PIAS1: variants seen among roughly 807,000 people sequenced by gnomAD.
PIAS1 encodes E3 SUMO-protein ligase PIAS1.
In PIAS1, 6 loss-of-function variants were observed where a neutral mutation model predicts 71.3. That is an observed-to-expected ratio of 0.08 (90% CI 0.05 to 0.17). The LOEUF (loss-of-function observed/expected upper bound fraction) is 0.17. PIAS1 is among the 10% of genes least tolerant of loss of function. The probability of loss-of-function intolerance (pLI) is 1.00; values close to 1 mark genes in which losing one functional copy is unlikely to be tolerated. For synonymous variants in PIAS1, 303 were observed against 292.9 expected (o/e 1.03, Z -0.35); for missense variants, 555 against 793.6 (o/e 0.70, Z 3.61).
At position 68,134,494 on chromosome 15, in the gene PIAS1, A is replaced by AC. The variant is rs1157391041; in HGVS notation, c.470-7444dup. ...GGGCGGCTGGCCGGGCGGGGGGCTG[A>AC]CCCCCCCCACTGCCCTCCCGGACGG... On this transcript the variant is annotated intron_variant, in intron 2 of 13. Coordinates refer to ENST00000249636, the MANE Select transcript of PIAS1 (RefSeq NM_016166.3). Among the ~76,000 whole-genome samples the AC allele has an allele frequency of 9.4e-3, 338 of 36,050 alleles. 39 individuals are homozygous for AC. The highest frequency in any genetic ancestry group is 0.013 in the Non-Finnish European group (127 of 9,714). The allele number at this position is 36,050 out of a possible 152,430, so 23.7% of individuals were successfully genotyped here. A position where few individuals can be genotyped will look rare whatever the true frequency, so the allele number is the denominator to read the frequency against.
At chr15:68,165,773 A>C (rs2090984547) in intron 8 of PIAS1, among the ~76,000 whole-genome samples, 1 of 152,140 alleles carries the variant, frequency 6.6e-6, no homozygotes, top group Admixed American at 6.5e-5. Context: ...AATATGTGAA[A>C]AATTTAATAA....
At chr15:68,177,599 T>C (rs976222852) in intron 11 of PIAS1, among the ~76,000 whole-genome samples, 1 of 152,224 alleles carries the variant, frequency 6.6e-6, no homozygotes, top group African/African-American at 2.4e-5. Context: ...TCATGAAACA[T>C]TGTTATCTAC....
intron 6 of PIAS1, among the ~76,000 whole-genome samples, chr15:68,150,954 G>GC (rs1472609122): frequency 6.6e-6 from 1 of 152,022 alleles, no homozygotes; most frequent in Non-Finnish European, 1.5e-5. Flanking sequence ...AGTGTAAGGG[G>GC]CACATAATGA....
intron 5 of PIAS1, 113 bp from the exon 6 acceptor site, chr15:68,146,453 T>C (rs2092808797): frequency 1.4e-6 from 1 of 730,534 alleles, no homozygotes; most frequent in African/African-American, 1.8e-5. Flanking sequence ...TACTTTTTAA[T>C]GAAAACATTC....
rs577838146 is a variant in PIAS1 at position 68,126,593 on chromosome 15, C to T, written c.470-15353C>T. On this transcript the variant is annotated intron_variant, in intron 2 of 13. Transcript: ENST00000249636. ...CAGGAGCTGGGATTGCAGGCGTGTCCCACCACGCCCAGCCAATTTTTGTAT... is the reference window on the plus strand; with the variant it reads ...CAGGAGCTGGGATTGCAGGCGTGTCTCACCACGCCCAGCCAATTTTTGTAT... 1.1e-4 allele frequency among the ~76,000 whole-genome samples: 16 copies of T among 152,222 alleles called. No individual in the cohort carries two copies. The South Asian group carries it at 2.9e-3, about 28-fold the overall frequency.
intron 2 of PIAS1, among the ~76,000 whole-genome samples, chr15:68,115,676 T>G (rs1388318573): frequency 6.6e-6 from 1 of 152,146 alleles, no homozygotes; most frequent in African/African-American, 2.4e-5. Flanking sequence ...CTGTAAATTT[T>G]CATAGCTGTC....
chr15:68,097,980 A>T (rs1327388951), intron 2 of PIAS1, among the ~76,000 whole-genome samples: 1 of 152,116 alleles, frequency 6.6e-6, no homozygotes, highest in African/African-American at 2.4e-5. Context: ...ACATGAGTAT[A>T]GGGCTCTAAT....
At chr15:68,055,142 C>G in intron 1 of PIAS1, 1 of 953,010 alleles carries the variant, frequency 1.0e-6, no homozygotes, top group Non-Finnish European at 1.2e-6. Flanking sequence ...CTACCTCTCT[C>G]CCTTCTTTTG....
chr15:68,126,071 G>T (rs2092648605), intron 2 of PIAS1, among the ~76,000 whole-genome samples: 1 of 151,948 alleles, frequency 6.6e-6, no homozygotes, highest in South Asian at 2.1e-4. Context: ...CTTTTTATGT[G>T]CAGTGTTCTG....
chr15:68,164,891 G>A (rs774970714), intron 8 of PIAS1, 87 bp downstream of exon 8: 6 of 723,104 alleles, frequency 8.3e-6, no homozygotes, highest in African/African-American at 5.4e-5. Context: ...GAGAAATTCT[G>A]TTTGCTTCTA....
At chr15:68,128,451 C>T (rs1241856467) in intron 2 of PIAS1, among the ~76,000 whole-genome samples, 3 of 152,146 alleles carry the variant, frequency 2.0e-5, no homozygotes, top group African/African-American at 7.2e-5. Context: ...CCTGGCCAAC[C>T]TGGAAAACCT....
chr15:68,085,952 T>C (rs1294756387), intron 1 of PIAS1, among the ~76,000 whole-genome samples: 3 of 152,176 alleles, frequency 2.0e-5, no homozygotes, highest in Non-Finnish European at 4.4e-5. Context: ...CGTTTTGCCA[T>C]CTACATAGCA....
chr15:68,080,532 TCTAA>T (rs2092219882), intron 1 of PIAS1, among the ~76,000 whole-genome samples: 1 of 152,226 alleles, frequency 6.6e-6, no homozygotes, highest in South Asian at 2.1e-4. Context: ...ATAGAAACTG[TCTAA>T]CTAGGTTTTC....
chr15:68,135,229 G>T (rs2092720238), intron 2 of PIAS1, among the ~76,000 whole-genome samples: 1 of 40,114 alleles, frequency 2.5e-5, no homozygotes. Context: ...GGGGTGGCTG[G>T]CCGGGCGGGG....
rs1240360111 is a variant in PIAS1, at chr15:68,097,067, G to A, written c.469+10317G>A. 3.3e-5 allele frequency among the ~76,000 whole-genome samples: 5 copies of A among 152,114 alleles called. No individual in the cohort carries two copies. The East Asian group carries it at 9.6e-4, about 29-fold the overall frequency. ...TTTCATATATGGTCTTCATTATGTTGAGATAGTTTCCTTCCATTCCTAGTT... is the reference window on the plus strand; with the variant it reads ...TTTCATATATGGTCTTCATTATGTTAAGATAGTTTCCTTCCATTCCTAGTT... On this transcript the variant is annotated intron_variant, in intron 2 of 13. Coordinates refer to ENST00000249636, the MANE Select transcript of PIAS1 (RefSeq NM_016166.3).
intron 1 of PIAS1, among the ~76,000 whole-genome samples, chr15:68,083,410 T>C (rs2092247704): frequency 6.6e-6 from 1 of 152,156 alleles, no homozygotes; most frequent in South Asian, 2.1e-4. Flanking sequence ...ATAATAGCAA[T>C]AGATAGCACC....
intron 2 of PIAS1, among the ~76,000 whole-genome samples, chr15:68,118,928 A>G (rs2092588978): frequency 6.6e-6 from 1 of 152,188 alleles, no homozygotes; most frequent in Admixed American, 6.5e-5. Context: ...AACAAAAGCA[A>G]CTATAGACAC....
rs891119686 is a variant in PIAS1 at position 68,190,563 on chromosome 15, TAGTCA to T, written c.*2732_*2736del. On this transcript the variant is annotated 3_prime_UTR_variant, in exon 14 of 14. Transcript: ENST00000249636. This position sits in a 1 kb window ranked among gnomAD's most constrained non-coding sequence, Gnocchi z 4.7. ...TGGACAAATAGCAGTTCTCAGAATCTAGTCAAGTTGCCATCATCCCCCTTGCCTTG... is the reference window on the plus strand; with the variant it reads ...TGGACAAATAGCAGTTCTCAGAATCTAGTTGCCATCATCCCCCTTGCCTTG... 2 of 152,196 alleles carry T rather than the reference TAGTCA, an allele frequency of 1.3e-5. No homozygotes were observed. Among genetic ancestry groups the T allele is most frequent in the African/African-American group, 2.4e-5 (1 of 41,440 alleles). The allele number at this position is 152,196 out of a possible 1,614,324, so 9.4% of individuals were successfully genotyped here.
chr15:68,134,943 C>G (rs1416732357), intron 2 of PIAS1, among the ~76,000 whole-genome samples: 1 of 48,902 alleles, frequency 2.0e-5, no homozygotes, highest in African/African-American at 4.4e-5. Flanking sequence ...CCCCACCCCC[C>G]GGACGGGGCG....
Sources: allele counts gnomAD v4.1 joint callset (sites outside exome capture counted in the v4.1 genomes callset), GRCh38; gene constraint gnomAD v4.1.1; non-coding constraint Gnocchi (gnomAD v3.1); transcripts MANE v1.5; gene names NCBI Gene and HGNC (gene_info 2026-07-23, HGNC 2026-07-21).